The following TENM3 variants were observed in gnomAD, a reference collection of about 807,000 sequenced individuals.
TENM3 encodes the protein teneurin transmembrane protein 3, also known as teneurin-3.
In TENM3, 63 loss-of-function variants were observed where a neutral mutation model predicts 255.1. The observed-to-expected ratio is 0.25, with a 90% CI of 0.20 to 0.30. The LOEUF (loss-of-function observed/expected upper bound fraction) is 0.30. TENM3 is among the 10% of genes least tolerant of loss of function. The pLI is 1.00. For synonymous variants in TENM3, 1,306 were observed against 1,322.3 expected (o/e 0.99, Z 0.27); for missense variants, 2,929 against 3,461.1 (o/e 0.85, Z 3.86).
chr4:181,927,779 G>A, the TENM3 span, among the ~76,000 whole-genome samples: 1 of 152,186 alleles, frequency 6.6e-6, no homozygotes, highest in Non-Finnish European at 1.5e-5. Flanking sequence ...GAGAGCTCCA[G>A]CTGGCATCTG....
chr4:181,688,940 A>G, the TENM3 span, among the ~76,000 whole-genome samples: 1 of 152,072 alleles, frequency 6.6e-6, no homozygotes, highest in Non-Finnish European at 1.5e-5. Flanking sequence ...CAGACTTCAC[A>G]TTTTCCCTCA....
the TENM3 span, among the ~76,000 whole-genome samples, chr4:181,790,113 A>C: frequency 6.6e-6 from 1 of 152,212 alleles, no homozygotes; most frequent in Admixed American, 6.5e-5. Flanking sequence ...GCCCCACCTG[A>C]GCACTCTGAC....
intron 3 of TENM3, among the ~76,000 whole-genome samples, chr4:182,373,594 GAT>G (rs1041775509): frequency 2.2e-4 from 34 of 152,128 alleles, no homozygotes; most frequent in Middle Eastern, 3.2e-3. Context: ...TCACCAAGGT[GAT>G]GTCACCAAGC....
At chr4:182,300,993 T>C (rs1761817803) in intron 1 of TENM3, among the ~76,000 whole-genome samples, 1 of 152,216 alleles carries the variant, frequency 6.6e-6, no homozygotes, top group Non-Finnish European at 1.5e-5. Flanking sequence ...AGTTTTCTGT[T>C]GCATTTGAAT....
In TENM3 at chr4:182,361,077, C is replaced by T. The variant is rs4274892; in HGVS notation, c.511+14148C>T. Among the ~76,000 whole-genome samples, 403 of 152,250 alleles carry T rather than the reference C, an allele frequency of 2.6e-3. 3 individuals carry two copies. The highest frequency in any genetic ancestry group is 9.5e-3 in the African/African-American group (396 of 41,532). ...CATTCTCTTCTGGCTTGTAGAGTTTCTGCCGAGAGATCCGCTGTTAGTCTG... is the reference window on the plus strand; with the variant it reads ...CATTCTCTTCTGGCTTGTAGAGTTTTTGCCGAGAGATCCGCTGTTAGTCTG... On this transcript the variant is annotated intron_variant, in intron 3 of 27. Transcript: ENST00000511685.
chr4:182,340,151 G>A (rs1453951275), intron 2 of TENM3, among the ~76,000 whole-genome samples: 2 of 151,992 alleles, frequency 1.3e-5, no homozygotes, highest in Admixed American at 6.6e-5. Context: ...ATCTTTTCTG[G>A]GGCCATTCAT....
intron 1 of TENM3, among the ~76,000 whole-genome samples, chr4:182,197,784 C>T (rs1044512795): frequency 6.6e-6 from 1 of 152,182 alleles, no homozygotes; most frequent in Admixed American, 6.5e-5. Context: ...GGTTTGTCAA[C>T]CCTGTTCTCC....
the TENM3 span, among the ~76,000 whole-genome samples, chr4:181,880,394 G>A: frequency 0.05 from 7,588 of 152,068 alleles, 284 homozygotes; most frequent in East Asian, 0.23. Flanking sequence ...ATATGCAAAT[G>A]TTAATTAACA....
chr4:182,733,247 T>G (rs1760911579), intron 16 of TENM3, among the ~76,000 whole-genome samples: 1 of 151,756 alleles, frequency 6.6e-6, no homozygotes, highest in African/African-American at 2.4e-5. Flanking sequence ...GTTCAAGGAG[T>G]GGCAAAAAGG....
At chr4:182,409,629 G>A (rs1384844979) in intron 3 of TENM3, among the ~76,000 whole-genome samples, 1 of 152,146 alleles carries the variant, frequency 6.6e-6, no homozygotes, top group Non-Finnish European at 1.5e-5. Flanking sequence ...CTACTGACAT[G>A]GGTGATTTGT....
intron 13 of TENM3, among the ~76,000 whole-genome samples, chr4:182,718,538 A>G (rs1265201993): frequency 2.0e-5 from 3 of 149,824 alleles, no homozygotes; most frequent in Non-Finnish European, 4.5e-5. Context: ...AAAACGGTCT[A>G]CTATGGGAAT....
intron 3 of TENM3, among the ~76,000 whole-genome samples, chr4:182,352,396 T>C (rs1055529267): frequency 6.6e-6 from 1 of 152,120 alleles, no homozygotes; most frequent in Non-Finnish European, 1.5e-5. Context: ...ATTTCAAAAT[T>C]AGTGTTTCCC....
At chr4:182,314,874 A>T (rs1304465905) in intron 1 of TENM3, among the ~76,000 whole-genome samples, 1 of 152,128 alleles carries the variant, frequency 6.6e-6, no homozygotes, top group Non-Finnish European at 1.5e-5. Context: ...TCTTTTGATT[A>T]GTTGTATATT....
At chr4:182,344,456 T>A (rs540132581) in intron 2 of TENM3, among the ~76,000 whole-genome samples, 1 of 152,020 alleles carries the variant, frequency 6.6e-6, no homozygotes, top group African/African-American at 2.4e-5. Flanking sequence ...ATAGGGATGA[T>A]GTGTTGTGTT....
the TENM3 span, among the ~76,000 whole-genome samples, chr4:181,600,676 A>G: frequency 1.6e-4 from 24 of 151,234 alleles, no homozygotes; most frequent in African/African-American, 5.1e-4. Context: ...TCTTTCTTTG[A>G]TATCCCAGGG....
At chr4:181,807,410 A>G in the TENM3 span, among the ~76,000 whole-genome samples, 2 of 152,124 alleles carry the variant, frequency 1.3e-5, no homozygotes, top group Non-Finnish European at 2.9e-5. Context: ...CTGGAGTGCA[A>G]TGGCACAATC....
intron 3 of TENM3, among the ~76,000 whole-genome samples, chr4:182,464,902 T>C (rs73870002): frequency 0.022 from 3,281 of 152,284 alleles, 118 homozygotes; most frequent in African/African-American, 0.074. Context: ...TTTAAATATG[T>C]CCCTTCTCAC....
At chr4:181,728,980 C>A in the TENM3 span, among the ~76,000 whole-genome samples, 1 of 152,026 alleles carries the variant, frequency 6.6e-6, no homozygotes, top group Non-Finnish European at 1.5e-5. Flanking sequence ...AGAAGTTATT[C>A]ATTCAGTATA....
chr4:182,103,137 C>T, the TENM3 span, among the ~76,000 whole-genome samples: 1 of 152,204 alleles, frequency 6.6e-6, no homozygotes, highest in Non-Finnish European at 1.5e-5. Context: ...CTGGCATTTA[C>T]ACATTTCCTA....
Sources: allele counts gnomAD v4.1 joint callset (sites outside exome capture counted in the v4.1 genomes callset), GRCh38; gene constraint gnomAD v4.1.1; transcripts MANE v1.5; gene names NCBI Gene and HGNC (gene_info 2026-07-23, HGNC 2026-07-21).